Variants in DOCK2 observed in about 807,000 individuals in gnomAD.
The protein encoded by DOCK2 is dedicator of cytokinesis protein 2.
Under a neutral mutation model 248.9 loss-of-function variants are expected in DOCK2, and 87 were observed. The observed-to-expected ratio is 0.35, with a 90% CI of 0.29 to 0.42. The LOEUF is 0.42. Among genes scored for constraint, DOCK2 ranks in the 10% least tolerant of loss-of-function variants. The probability of loss-of-function intolerance (pLI) is 1.00; values close to 1 mark genes in which losing one functional copy is unlikely to be tolerated. For synonymous variants in DOCK2, 805 were observed against 821.6 expected, an observed-to-expected ratio of 0.98 and a Z score of 0.35; for missense variants, 1,747 against 2,300.2, an observed-to-expected ratio of 0.76 and a Z score of 4.92.
intron 27 of DOCK2, among the ~76,000 whole-genome samples, chr5:169,913,664 A>G (rs543485870): frequency 2.0e-5 from 3 of 152,216 alleles, no homozygotes; most frequent in African/African-American, 7.2e-5. Flanking sequence ...GAGCTATTTC[A>G]CACTTTGTTG....
chr5:169,784,137 T>C (rs1049532832), intron 25 of DOCK2, among the ~76,000 whole-genome samples: 5 of 148,096 alleles, frequency 3.4e-5, no homozygotes, highest in African/African-American at 1.0e-4. Flanking sequence ...TTTTTTTTTT[T>C]TCTCAACACA....
intron 27 of DOCK2, among the ~76,000 whole-genome samples, chr5:169,915,096 T>C (rs1774805174): frequency 6.6e-6 from 1 of 152,134 alleles, no homozygotes; most frequent in Admixed American, 6.5e-5. Context: ...GGCCTTGATG[T>C]TGAGGCCCCA....
At chr5:169,827,867 A>AAC (rs143420412) in intron 26 of DOCK2, among the ~76,000 whole-genome samples, 38,451 of 150,466 alleles carry the variant, frequency 0.26, 5,951 homozygotes, top group African/African-American at 0.45. Flanking sequence ...AAACATTAAA[A>AAC]ACACACACAC....
intron 9 of DOCK2, among the ~76,000 whole-genome samples, chr5:169,694,336 C>T (rs996242817): frequency 3.3e-5 from 5 of 152,228 alleles, no homozygotes; most frequent in African/African-American, 4.8e-5. Flanking sequence ...GTTGTTTCTT[C>T]CTTAGCTGAT....
intron 27 of DOCK2, among the ~76,000 whole-genome samples, chr5:169,925,522 A>G (rs1775392577): frequency 6.8e-6 from 1 of 147,196 alleles, no homozygotes; most frequent in South Asian, 2.2e-4. Flanking sequence ...GGAGATTGCA[A>G]TGAGCTAAGA....
chr5:169,982,656 T>A (rs928164163), intron 27 of DOCK2, among the ~76,000 whole-genome samples: 3 of 152,208 alleles, frequency 2.0e-5, no homozygotes, highest in Non-Finnish European at 2.9e-5. Context: ...AACTACAGAT[T>A]CCACTGCAGA....
chr5:170,001,782 G>C (rs1754841067), intron 30 of DOCK2, among the ~76,000 whole-genome samples: 1 of 152,206 alleles, frequency 6.6e-6, no homozygotes, highest in Non-Finnish European at 1.5e-5. Context: ...ACAGCCAGTA[G>C]AGGAGACAGA....
chr5:170,073,212 A>G (rs1043319105), intron 46 of DOCK2, among the ~76,000 whole-genome samples: 16 of 152,272 alleles, frequency 1.1e-4, no homozygotes, highest in African/African-American at 3.8e-4. Flanking sequence ...ACAGATTTCC[A>G]ATTTCTTTAG....
At chr5:169,935,941 G>A (rs762575125) in intron 27 of DOCK2, among the ~76,000 whole-genome samples, 11 of 152,158 alleles carry the variant, frequency 7.2e-5, no homozygotes, top group Non-Finnish European at 2.9e-5. Flanking sequence ...ACAGTTTCCT[G>A]TCTCTAACCA....
intron 6 of DOCK2, among the ~76,000 whole-genome samples, chr5:169,676,649 C>T (rs747036469): frequency 6.6e-5 from 10 of 152,100 alleles, no homozygotes; most frequent in African/African-American, 1.7e-4. Context: ...GGAGGCCCAG[C>T]GTCTGGGCCA....
intron 1 of DOCK2, among the ~76,000 whole-genome samples, 164 bp downstream of exon 1, chr5:169,637,533 C>G (rs1025061924): frequency 6.6e-6 from 1 of 152,106 alleles, no homozygotes; most frequent in Non-Finnish European, 1.5e-5. Context: ...AGCCGAGGCT[C>G]GGGGAGAGGA....
chr5:169,857,045 G>T (rs988529318), intron 27 of DOCK2, among the ~76,000 whole-genome samples: 5 of 152,122 alleles, frequency 3.3e-5, no homozygotes, highest in African/African-American at 1.2e-4. Context: ...ATGATCTTTT[G>T]GTGCGATTTT....
At chr5:169,721,608 C>T (rs1762210556) in intron 22 of DOCK2, among the ~76,000 whole-genome samples, 1 of 152,180 alleles carries the variant, frequency 6.6e-6, no homozygotes, top group South Asian at 2.1e-4. Context: ...TATTGTGTGT[C>T]TGTTTCCTGT....
At chr5:169,815,330 CT>C (rs1767997965) in intron 26 of DOCK2, among the ~76,000 whole-genome samples, 1 of 152,210 alleles carries the variant, frequency 6.6e-6, no homozygotes, top group Admixed American at 6.5e-5. Flanking sequence ...CCACCAGGTT[CT>C]GTTCCATCAG....
chr5:169,702,475 C>T lies in DOCK2; in HGVS notation c.1383+48C>T, dbSNP rs547655226. ...GGGTGACAGGGTCCGCCTTGGGGGC[C>T]TCTGCTTGTAAAGACGTACTTTTCC... is the stretch of plus-strand genomic sequence containing the variant. On this transcript the variant is annotated intron_variant, in intron 14 of 51. Coordinates refer to ENST00000520908, the MANE Select transcript of DOCK2 (RefSeq NM_004946.3). 5.0e-6 allele frequency: 8 copies of T among 1,605,482 alleles called. No individual in the cohort carries two copies. The African/African-American group carries it at 6.7e-5, about 13-fold the overall frequency.
At chr5:169,688,868 A>T (rs1210250947) in intron 8 of DOCK2, among the ~76,000 whole-genome samples, 1 of 152,198 alleles carries the variant, frequency 6.6e-6, no homozygotes, top group Non-Finnish European at 1.5e-5. Context: ...AACGGGCCGG[A>T]AAGGGTAAAT....
At chr5:169,898,452 A>T (rs1252696894) in intron 27 of DOCK2, among the ~76,000 whole-genome samples, 2 of 152,104 alleles carry the variant, frequency 1.3e-5, no homozygotes, top group Non-Finnish European at 2.9e-5. Flanking sequence ...AGGATGTTTC[A>T]ACTCTTTGAG....
chr5:169,877,367 C>T (rs1053357124), intron 27 of DOCK2, among the ~76,000 whole-genome samples: 12 of 152,242 alleles, frequency 7.9e-5, no homozygotes, highest in African/African-American at 2.4e-4. Flanking sequence ...GGTCAATTCA[C>T]GTTCAAGTGA....
intron 27 of DOCK2, among the ~76,000 whole-genome samples, chr5:169,896,183 G>T (rs193185104): frequency 6.6e-6 from 1 of 152,230 alleles, no homozygotes; most frequent in Admixed American, 6.5e-5. Flanking sequence ...GGGGTCGGGG[G>T]GCGGGGAGGC....
Sources: gnomAD v4.1 joint callset for allele counts (sites outside exome capture counted in the v4.1 genomes callset) on GRCh38, gnomAD v4.1.1 for gene constraint, MANE v1.5 for transcripts, NCBI Gene and HGNC (gene_info 2026-07-23, HGNC 2026-07-21) for gene names.